Variants in NBPF12 observed in about 807,000 individuals in gnomAD.
NBPF12 encodes NBPF family member NBPF12.
Under a neutral mutation model 146.4 loss-of-function variants are expected in NBPF12, and 115 were observed. The observed-to-expected ratio is 0.79, with a 90% CI of 0.68 to 0.92. NBPF12 has a LOEUF of 0.92. Among genes scored for constraint, NBPF12 ranks in the 40% least tolerant of loss-of-function variants. The pLI is 0.00. For missense variants in NBPF12, 1,205 were observed against 1,326.8 expected, an observed-to-expected ratio of 0.91 and a Z score of 1.43; for synonymous variants, 385 against 508.9, an observed-to-expected ratio of 0.76 and a Z score of 3.28.
chr1:146,994,563 A>G lies in NBPF12; in HGVS notation c.4362A>G (p.Ile1454Met), dbSNP rs587774446. Reference sequence around the variant, plus strand: ...ACCTGGTCTTCCAGATGGGAGTCATATTCCCACAATAAGCAGCCCTTACTA... The same window carrying G: ...ACCTGGTCTTCCAGATGGGAGTCATGTTCCCACAATAAGCAGCCCTTACTA... The change falls in exon 34 of 34, where the codon ATA (isoleucine) becomes ATG (methionine). Residue 1454 changes from isoleucine (I) to methionine (M), a missense_variant. This residue lies in a region of NBPF12 where 210 missense variants were observed against 94.4 expected (regional missense o/e 2.22). Transcript: ENST00000617844. 4.3e-6 allele frequency: 7 copies of G among 1,609,256 alleles called. No individual in the cohort carries two copies. In the African/African-American group the frequency reaches 6.8e-5, roughly 16 times the overall value.
chr1:146,956,643 C>T (rs1286030030), intron 2 of NBPF12, among the ~76,000 whole-genome samples: 3 of 151,518 alleles, frequency 2.0e-5, no homozygotes, highest in Non-Finnish European at 4.4e-5. Context: ...GAAGCAGGTA[C>T]GAGGCCCCTA....
chr1:146,971,697 G>A (rs1255961079), intron 13 of NBPF12, among the ~76,000 whole-genome samples: 2 of 150,396 alleles, frequency 1.3e-5, no homozygotes, highest in Non-Finnish European at 2.9e-5. Flanking sequence ...GACTTAGGTG[G>A]GAGGATCGGC....
chr1:146,971,213 C>T lies in NBPF12; in HGVS notation c.1410C>T (p.Val470=), dbSNP rs1656589898. The T allele has an allele frequency of 6.2e-6, 10 of 1,611,838 alleles. No individual in the cohort carries two copies. In the South Asian group the frequency reaches 9.9e-5, roughly 16 times the overall value. Reference sequence around the variant, plus strand: ...TGCAGAAGGCTGAAGAAAGCAAAGTCCCTGAGGACTCACTGGAGGAATGTG... The same window carrying T: ...TGCAGAAGGCTGAAGAAAGCAAAGTTCCTGAGGACTCACTGGAGGAATGTG... The change falls in exon 13 of 34, where the codon GTC becomes GTT. Residue 470 remains valine (V), a synonymous_variant. Transcript: ENST00000617844.
chr1:146,987,719 CTTTGTGTGTGTG>C (rs1294221638), intron 25 of NBPF12, among the ~76,000 whole-genome samples: 6 of 150,346 alleles, frequency 4.0e-5, no homozygotes, highest in Non-Finnish European at 8.9e-5. Flanking sequence ...GTGCGTGTGT[CTTTGTGTGTGTG>C]TTTGTGTGTG....
At chr1:146,963,044 G>A (rs1375149504) in intron 5 of NBPF12, 51 bp from the exon 9 acceptor site, 20 of 1,607,764 alleles carry the variant, frequency 1.2e-5, no homozygotes, top group Middle Eastern at 2.2e-4. Context: ...ATATTTGAAC[G>A]GATCACTCAA....
chr1:146,995,268 AC>A (rs1381054186), exon 34 of NBPF12: 4 of 125,686 alleles, frequency 3.2e-5, no homozygotes, highest in African/African-American at 1.3e-4. Flanking sequence ...ACAGCATGTC[AC>A]CCAGGACTCT....
chr1:146,972,868 T>A (rs1553886804), exon 14 of NBPF12: 5 of 1,214,356 alleles, frequency 4.1e-6, no homozygotes, highest in Admixed American at 1.7e-5. Context: ...CGCCCCCAGC[T>A]GGCAGAGAAG....
rs1423391037 is a variant in NBPF12, at chr1:146,972,393, C to T, written c.1592-358C>T. ...TGCGTGACAGAGTGAGACGCCGTCT[C>T]AAACAGAAAACAAAAAACCAAAAAA... is the stretch of plus-strand genomic sequence containing the variant. On this transcript the variant is annotated intron_variant, in intron 13 of 33. Coordinates refer to ENST00000617844, the Ensembl canonical transcript of NBPF12. Among the ~76,000 whole-genome samples, 69 of 150,952 alleles carry T rather than the reference C, an allele frequency of 4.6e-4. 4 individuals are homozygous for T. The highest frequency in any genetic ancestry group is 1.7e-3 in the African/African-American group (69 of 40,612).
intron 13 of NBPF12, 27 bp from the exon 17 acceptor site, chr1:146,972,724 T>C: frequency 7.3e-7 from 1 of 1,373,806 alleles, no homozygotes; most frequent in East Asian, 2.3e-5. Context: ...TTTTAACCCA[T>C]CATGTGTTTG....
rs1655958682 is a variant in NBPF12, at chr1:146,962,981, A to T, written c.279-114A>T. On this transcript the variant is annotated intron_variant, in intron 5 of 33. Coordinates refer to ENST00000617844, the Ensembl canonical transcript of NBPF12. ...CAGACATTCCTTTCAACATGTGCTG[A>T]CCTTCTGCTTGAAGGTCTCCTTGAG... 3 of 689,058 alleles carry T rather than the reference A, an allele frequency of 4.4e-6. No individual in the cohort carries two copies. In the African/African-American group the frequency reaches 5.4e-5, roughly 12 times the overall value. 42.7% of individuals were successfully genotyped at this position (689,058 alleles called of 1,614,324 possible).
chr1:146,948,789 G>C (rs1655186178), upstream of NBPF12, among the ~76,000 whole-genome samples: 7 of 151,592 alleles, frequency 4.6e-5, no homozygotes, highest in South Asian at 1.5e-3. Context: ...TTGCAGTTGA[G>C]ATAAGAGGAA....
exon 34 of NBPF12, chr1:146,995,747 TATG>T (rs1658502346): frequency 1.3e-5 from 2 of 150,430 alleles, no homozygotes; most frequent in South Asian, 2.1e-4. Context: ...CCATCACCAT[TATG>T]ATATCAGGAC....
rs2101907691 is a variant in NBPF12 at position 146,984,204 on chromosome 1, G to T, written c.2666+19G>T. 1 of 770,796 alleles carries T rather than the reference G, an allele frequency of 1.3e-6. No homozygotes were observed. The highest frequency in any genetic ancestry group is 2.5e-5 in the East Asian group (1 of 40,734). The allele number at this position is 770,796 out of a possible 1,614,324, so 47.7% of individuals were successfully genotyped here. A position where few individuals can be genotyped will look rare whatever the true frequency, so the allele number is the denominator to read the frequency against. On this transcript the variant is annotated intron_variant, in intron 21 of 33. Coordinates refer to ENST00000617844, the Ensembl canonical transcript of NBPF12. ...GTCCCAGGTGAGTCTGAGAAATTGT[G>T]GACAGTTAATTTGATGTTGACACCT...
chr1:146,962,246 A>C (rs1288735086), exon 5 of NBPF12: 35 of 1,605,514 alleles, frequency 2.2e-5, no homozygotes, highest in Non-Finnish European at 2.9e-5. Context: ...AGCAGCTGAA[A>C]CAAGCTGAGG....
exon 15 of NBPF12, chr1:146,974,769 C>T (rs1407432636): frequency 2.0e-6 from 2 of 989,506 alleles, no homozygotes; most frequent in African/African-American, 2.8e-5. Context: ...CTCCTAAAAT[C>T]TATGCTGAGG....
intron 11 of NBPF12, among the ~76,000 whole-genome samples, chr1:146,970,017 G>A: frequency 6.7e-6 from 1 of 149,916 alleles, no homozygotes; most frequent in South Asian, 2.1e-4. Context: ...TGCAAAGGCA[G>A]ACAAATTGTC....
chr1:146,976,995 C>A (rs1657078452), exon 17 of NBPF12: 1 of 717,344 alleles, frequency 1.4e-6, no homozygotes, highest in Non-Finnish European at 2.5e-6. Context: ...AAATCGTCTT[C>A]CCCCAGGTAA....
intron 16 of NBPF12, among the ~76,000 whole-genome samples, chr1:146,976,323 A>C (rs2101891269): frequency 6.8e-6 from 1 of 147,030 alleles, no homozygotes; most frequent in Admixed American, 6.8e-5. Flanking sequence ...TGTCTCTTGC[A>C]AGGGTCTGAA....
intron 4 of NBPF12, 137 bp from the exon 8 acceptor site, chr1:146,962,024 T>G: frequency 1.4e-6 from 1 of 717,124 alleles, no homozygotes; most frequent in Non-Finnish European, 2.4e-6. Context: ...AGAGTAAAGA[T>G]GTGGAAATCC....
Sources: allele counts gnomAD v4.1 joint callset (sites outside exome capture counted in the v4.1 genomes callset), GRCh38; gene constraint gnomAD v4.1.1; regional missense constraint gnomAD v4.1.1; transcripts MANE v1.5; gene names NCBI Gene and HGNC (gene_info 2026-07-23, HGNC 2026-07-21).